The following TBCD variants were observed in gnomAD, a reference collection of about 807,000 sequenced individuals.
The protein encoded by TBCD is tubulin folding cofactor D.
Under a neutral mutation model 169.3 loss-of-function variants are expected in TBCD, and 105 were observed. The observed-to-expected ratio is 0.62, with a 90% CI of 0.53 to 0.73. The LOEUF is 0.73. Among genes scored for constraint, TBCD ranks in the 30% least tolerant of loss-of-function variants. The pLI is 0.00. For missense variants in TBCD, 1,444 were observed against 1,600.1 expected (o/e 0.90, Z 1.66); for synonymous variants, 700 against 643.9 (o/e 1.09, Z -1.32).
intron 14 of TBCD, among the ~76,000 whole-genome samples, chr17:82,876,057 C>G (rs1156745191): frequency 6.6e-6 from 1 of 152,080 alleles, no homozygotes; most frequent in East Asian, 1.9e-4. Context: ...ATTATTGTTT[C>G]TTAAGGTAAA....
intron 38 of TBCD, chr17:82,942,158 C>T (rs1358429702): frequency 5.5e-6 from 3 of 548,198 alleles, no homozygotes; most frequent in African/African-American, 3.8e-5. Context: ...ATTAAATGTG[C>T]TTTTTACATT....
Position 82,938,080 on chromosome 17 carries a change from G to A in TBCD, c.3313G>A (p.Val1105Met), listed in dbSNP as rs764003906. 51 of 1,612,962 alleles carry A rather than the reference G, an allele frequency of 3.2e-5. No individual in the cohort carries two copies. The highest frequency in any genetic ancestry group is 9.3e-5 in the African/African-American group (7 of 74,930). Reference protein sequence around the residue: ...FCEMVQFPGDVRRQALLQLCL... With the variant: ...FCEMVQFPGDMRRQALLQLCL... ...CGAGATGGTGCAGTTCCCCGGCGAC[G>A]TGAGGAGGCAGGCCCTCCTGCAGCT... The change falls in exon 36 of 39, where the codon GTG (valine) becomes ATG (methionine). Residue 1105 changes from valine (V) to methionine (M), a missense_variant. Coordinates refer to ENST00000355528, the MANE Select transcript of TBCD (RefSeq NM_005993.5).
intron 2 of TBCD, among the ~76,000 whole-genome samples, chr17:82,763,122 C>T (rs954648674): frequency 6.6e-6 from 1 of 152,154 alleles, no homozygotes; most frequent in Non-Finnish European, 1.5e-5. Context: ...CTTACTTGTT[C>T]TATCAGTTCC....
chr17:82,915,896 C>A lies in TBCD; in HGVS notation c.2038+4107C>A, dbSNP rs562150439. Reference sequence around the variant, plus strand: ...GGACTTCCTGCTGTGGGGGTGAGGGCTCCGTGCTCCATCTCTGATGCCCTG... The same window carrying A: ...GGACTTCCTGCTGTGGGGGTGAGGGATCCGTGCTCCATCTCTGATGCCCTG... On this transcript the variant is annotated intron_variant, in intron 23 of 38. Coordinates refer to ENST00000355528, the MANE Select transcript of TBCD (RefSeq NM_005993.5). The surrounding 1 kb of genome is among the most constrained non-coding windows in gnomAD (Gnocchi z 4.3). 4.2e-4 allele frequency among the ~76,000 whole-genome samples: 64 copies of A among 152,310 alleles called. No homozygotes were observed. The East Asian group carries it at 0.012, about 29-fold the overall frequency.
intron 14 of TBCD, among the ~76,000 whole-genome samples, chr17:82,879,425 C>T (rs1246313616): frequency 1.3e-5 from 2 of 152,192 alleles, no homozygotes; most frequent in African/African-American, 4.8e-5. Context: ...GATTTTGGAG[C>T]TGCCAGCCCA....
At chr17:82,847,259 A>T (rs763979903) in intron 13 of TBCD, among the ~76,000 whole-genome samples, 2 of 149,826 alleles carry the variant, frequency 1.3e-5, no homozygotes, top group East Asian at 4.1e-4. Context: ...AGGCTGAGGC[A>T]GGAGAATGGT....
chr17:82,859,936 G>A, intron 13 of TBCD: 2 of 975,226 alleles, frequency 2.1e-6, no homozygotes, highest in Non-Finnish European at 2.4e-6. Flanking sequence ...GGCCTCCCCA[G>A]CCGTCTGGCC....
At chr17:82,772,383 G>T in intron 5 of TBCD, 69 bp from the exon 6 acceptor site, 2 of 1,539,776 alleles carry the variant, frequency 1.3e-6, no homozygotes, top group South Asian at 2.2e-5. Context: ...TGGGACTGGT[G>T]ACTGTGTGGT....
intron 1 of TBCD, among the ~76,000 whole-genome samples, 175 bp from the exon 2 acceptor site, chr17:82,755,990 A>G (rs1337739884): frequency 6.6e-6 from 1 of 152,066 alleles, no homozygotes; most frequent in Non-Finnish European, 1.5e-5. Flanking sequence ...GAGGTGGGGC[A>G]TTCCCTCCAG....
Position 82,778,379 on chromosome 17 carries a change from C to T in TBCD, c.639-3210C>T, listed in dbSNP as rs989610777. On this transcript the variant is annotated intron_variant, in intron 6 of 38. Coordinates refer to ENST00000355528, the MANE Select transcript of TBCD (RefSeq NM_005993.5). ...ACCACCTTAATGCTGCTTCCTTCTG[C>T]GATGAAGTTAACTGCCCTGGGCCCC... is the stretch of plus-strand genomic sequence containing the variant. Among the ~76,000 whole-genome samples, 6 of 152,288 alleles carry T rather than the reference C, an allele frequency of 3.9e-5. No homozygotes were observed. In the East Asian group the frequency reaches 7.7e-4, roughly 20 times the overall value.
intron 18 of TBCD, among the ~76,000 whole-genome samples, chr17:82,901,080 T>C (rs2059858638): frequency 6.6e-6 from 1 of 152,232 alleles, no homozygotes; most frequent in Non-Finnish European, 1.5e-5. Flanking sequence ...CTGACTCTGC[T>C]CCATGTGGCT....
In TBCD at chr17:82,923,764, C is replaced by A; in HGVS notation, c.2260+31C>A. 6.5e-7 allele frequency: 1 copy of A among 1,547,316 alleles called. No homozygotes were observed. Among genetic ancestry groups the A allele is most frequent in the Non-Finnish European group, 8.8e-7 (1 of 1,142,816 alleles). ...TGGGGAGCCCTTTTCTTGAAGACTC[C>A]AGGGGCTTCCAGCAGGAAGCTGCTG... On this transcript the variant is annotated intron_variant, in intron 26 of 38. Coordinates refer to ENST00000355528, the MANE Select transcript of TBCD (RefSeq NM_005993.5). The surrounding 1 kb of genome is among the most constrained non-coding windows in gnomAD (Gnocchi z 4.6).
chr17:82,825,748 G>T (rs536229014), intron 13 of TBCD, among the ~76,000 whole-genome samples: 1 of 152,166 alleles, frequency 6.6e-6, no homozygotes, highest in Non-Finnish European at 1.5e-5. Flanking sequence ...AAACTATTGC[G>T]TCACTCATCT....
At chr17:82,755,492 A>G (rs1263507549) in intron 1 of TBCD, among the ~76,000 whole-genome samples, 1 of 152,198 alleles carries the variant, frequency 6.6e-6, no homozygotes, top group Non-Finnish European at 1.5e-5. Context: ...GCTGTCTGTC[A>G]TGTGATGCTG....
intron 12 of TBCD, among the ~76,000 whole-genome samples, chr17:82,812,297 C>T (rs1037506323): frequency 6.6e-6 from 1 of 152,216 alleles, no homozygotes; most frequent in Non-Finnish European, 1.5e-5. Flanking sequence ...CTGGAAGCCA[C>T]GGCACTACGC....
intron 2 of TBCD, among the ~76,000 whole-genome samples, chr17:82,758,400 A>AATAATAAATAAAT (rs1555672641): frequency 1.0e-5 from 1 of 100,032 alleles, no homozygotes; most frequent in South Asian, 3.8e-4. Flanking sequence ...AAAAAAAAAA[A>AATAATAAATAAAT]AAATAAATAA....
chr17:82,752,510 G>C, intron 1 of TBCD, 133 bp downstream of exon 1: 2 of 714,812 alleles, frequency 2.8e-6, no homozygotes, highest in South Asian at 1.3e-4. Flanking sequence ...GCGGTCCCGC[G>C]GGCCGTGGTG....
chr17:82,867,201 C>T (rs1184001010), intron 13 of TBCD, among the ~76,000 whole-genome samples: 1 of 152,172 alleles, frequency 6.6e-6, no homozygotes, highest in Admixed American at 6.5e-5. Context: ...TGTGTCCTCC[C>T]TTGGGGGCTT....
intron 4 of TBCD, among the ~76,000 whole-genome samples, chr17:82,767,009 C>G (rs140811611): frequency 6.6e-6 from 1 of 152,312 alleles, no homozygotes; most frequent in African/African-American, 2.4e-5. Context: ...TTCCAGACCC[C>G]CAGCAGGAAA....
Sources: allele counts gnomAD v4.1 joint callset (sites outside exome capture counted in the v4.1 genomes callset), GRCh38; gene constraint gnomAD v4.1.1; non-coding constraint Gnocchi (gnomAD v3.1); transcripts MANE v1.5; gene names NCBI Gene and HGNC (gene_info 2026-07-23, HGNC 2026-07-21).